PAK3: variants seen among roughly 807,000 people sequenced by gnomAD.
The protein encoded by PAK3 is serine/threonine-protein kinase PAK 3.
Under a neutral mutation model 41.0 loss-of-function variants are expected in PAK3, and 4 were observed. That is an observed-to-expected ratio of 0.10 (90% confidence interval 0.05 to 0.22). The LOEUF is 0.22. PAK3 is among the 10% of genes least tolerant of loss of function. PAK3 has a pLI of 1.00. For synonymous variants in PAK3, 146 were observed against 139.6 expected (o/e 1.05, Z -0.32); for missense variants, 205 against 409.9 (o/e 0.50, Z 4.32).
chrX:111,209,268 A>G (rs2094792345), intron 16 of PAK3, among the ~76,000 whole-genome samples: 1 of 111,727 alleles, frequency 9.0e-6, no homozygotes, highest in African/African-American at 3.3e-5. Flanking sequence ...TTCAAATACT[A>G]GTTGTGTGAC....
chrX:111,157,351 T>C (rs2094119494), intron 8 of PAK3, among the ~76,000 whole-genome samples: 1 of 111,659 alleles, frequency 9.0e-6, no homozygotes, highest in South Asian at 3.8e-4. Flanking sequence ...TGGTGTATTC[T>C]CTAGAGCAAC....
intron 1 of PAK3, among the ~76,000 whole-genome samples, chrX:110,962,875 G>A (rs997113258): frequency 6.2e-5 from 7 of 112,060 alleles, no homozygotes; most frequent in African/African-American, 2.0e-4. Flanking sequence ...GAATGTGAAA[G>A]CTTCATAGGC....
chrX:111,048,091 C>A (rs755702808), intron 1 of PAK3, among the ~76,000 whole-genome samples: 1 of 111,364 alleles, frequency 9.0e-6, no homozygotes, highest in South Asian at 3.9e-4. Flanking sequence ...TCAATATCCT[C>A]ATATTTTTGT....
chrX:111,037,490 G>A (rs904631494), intron 1 of PAK3, among the ~76,000 whole-genome samples: 1 of 111,341 alleles, frequency 9.0e-6, no homozygotes, highest in African/African-American at 3.3e-5. Context: ...TCAAAGAAAA[G>A]CAAGTGTTTC....
At chrX:111,202,085 G>A (rs1006862776) in intron 16 of PAK3, among the ~76,000 whole-genome samples, 3 of 110,358 alleles carry the variant, frequency 2.7e-5, no homozygotes, top group Non-Finnish European at 5.7e-5. Flanking sequence ...GTGAAGTCTG[G>A]GGCTATACAT....
At position 111,029,221 on chromosome X, in the gene PAK3, CA is replaced by C. The variant is rs764965527; in HGVS notation, c.-28+84595del. 5.4e-5 allele frequency among the ~76,000 whole-genome samples: 6 copies of C among 111,946 alleles called. No individual in the cohort carries two copies. The South Asian group carries it at 2.3e-3, about 43-fold the overall frequency. ...CAATCAACAAAGAGAAGCCTATAGGCAATGATAAAACTCTACAACATCATAC... is the reference window on the plus strand; with the variant it reads ...CAATCAACAAAGAGAAGCCTATAGGCATGATAAAACTCTACAACATCATAC... On this transcript the variant is annotated intron_variant, in intron 1 of 14. Transcript: ENST00000425146.
intron 15 of PAK3, 90 bp from the exon 16 acceptor site, chrX:111,196,354 A>G (rs2094612994): frequency 1.4e-6 from 1 of 709,709 alleles, no homozygotes; most frequent in East Asian, 3.2e-5. Context: ...CTCAGTGTGT[A>G]GCAAAGGAAG....
intron 8 of PAK3, chrX:111,152,754 G>T (rs1439775890): frequency 1.2e-4 from 21 of 175,423 alleles, no homozygotes; most frequent in Non-Finnish European, 1.8e-4. Flanking sequence ...AACTAATATG[G>T]AATCTGCCTT....
intron 1 of PAK3, among the ~76,000 whole-genome samples, chrX:111,065,639 G>A (rs2092696875): frequency 9.0e-6 from 1 of 111,712 alleles, no homozygotes; most frequent in African/African-American, 3.2e-5. Flanking sequence ...ATTAGTATCA[G>A]CTCTTCTTTG....
At chrX:111,144,509 T>C (rs1603298727) in intron 6 of PAK3, among the ~76,000 whole-genome samples, 1 of 111,531 alleles carries the variant, frequency 9.0e-6, no homozygotes, top group Non-Finnish European at 1.9e-5. Flanking sequence ...GTCTTTTTAT[T>C]GGTAGGATTT....
In PAK3 at chrX:111,216,449, C is replaced by A; in HGVS notation, c.1436C>A (p.Thr479Asn). Residue 479 changes from threonine (T) to asparagine (N), a missense_variant, in exon 17 of 18, where the codon ACT becomes AAT. Physicochemically the swap from Thr to Asn is moderately conservative, Grantham distance 65. Around this residue, in one of 5 missense-constraint regions of PAK3, gnomAD observed 40 missense variants for 54.4 expected, o/e 0.74. Transcript: ENST00000372007. ...RALYLIATNG[T>N]PELQNPERLS... ...TTGTATCTGATAGCCACTAATGGAA[C>A]TCCAGAGCTCCAGAATCCTGAGAGA... 8.5e-7 allele frequency: 1 copy of A among 1,182,672 alleles called. No homozygotes were observed. The highest frequency in any genetic ancestry group is 1.2e-6 in the Non-Finnish European group (1 of 869,010).
Position 111,123,159 on chromosome X carries a change from A to G in PAK3, c.56A>G (p.Asn19Ser), listed in dbSNP as rs1164331815. 1 of 1,204,448 alleles carries G rather than the reference A, an allele frequency of 8.3e-7. No homozygotes were observed. Among genetic ancestry groups the G allele is most frequent in the Non-Finnish European group, 1.1e-6 (1 of 888,816 alleles). ...EKPPAPPLRM[N>S]SNNRDSSALN... ...CCCCCGGCTCCTCCACTGAGGATGAATAGTAACAACCGGGATTCTTCAGCA... is the reference window on the plus strand; with the variant it reads ...CCCCCGGCTCCTCCACTGAGGATGAGTAGTAACAACCGGGATTCTTCAGCA... The change falls in exon 5 of 18, where the codon AAT (asparagine) becomes AGT (serine). Residue 19 changes from asparagine to serine, a missense_variant. Around this residue, in one of 5 missense-constraint regions of PAK3, gnomAD observed 26 missense variants for 27.4 expected, o/e 0.95. Transcript: ENST00000372007.
At chrX:111,152,331 A>G (rs1603306218) in intron 7 of PAK3, 79 bp from the exon 8 acceptor site, 1 of 681,071 alleles carries the variant, frequency 1.5e-6, no homozygotes, top group East Asian at 3.3e-5. Flanking sequence ...CAGTTTTTTA[A>G]TTTTTATTTT....
intron 11 of PAK3, among the ~76,000 whole-genome samples, chrX:111,179,917 C>T (rs763117182): frequency 2.7e-5 from 3 of 110,949 alleles, no homozygotes; most frequent in Non-Finnish European, 5.7e-5. Flanking sequence ...TGTCACCATG[C>T]CCGGCTAATT....
At chrX:111,039,553 T>A (rs1461984790) in intron 1 of PAK3, among the ~76,000 whole-genome samples, 1 of 111,689 alleles carries the variant, frequency 9.0e-6, no homozygotes, top group East Asian at 2.8e-4. Context: ...TGCCTCCAGG[T>A]GAGGTTTCTC....
At chrX:111,172,160 G>A (rs748808077) in intron 10 of PAK3, among the ~76,000 whole-genome samples, 4 of 111,395 alleles carry the variant, frequency 3.6e-5, no homozygotes, top group Admixed American at 1.9e-4. Context: ...GTTTTTTAGC[G>A]ATTATACCAA....
chrX:111,218,095 A>G (rs2094897631), intron 17 of PAK3, among the ~76,000 whole-genome samples: 1 of 112,275 alleles, frequency 8.9e-6, no homozygotes, highest in South Asian at 3.7e-4. Context: ...ATGCAACTCC[A>G]TTCTCTGACT....
intron 1 of PAK3, among the ~76,000 whole-genome samples, chrX:111,030,152 G>T (rs2092323331): frequency 9.0e-6 from 1 of 111,428 alleles, no homozygotes; most frequent in South Asian, 3.7e-4. Flanking sequence ...ATTTTTATGG[G>T]AGTAAATGAT....
At chrX:111,166,325 A>T (rs1393887353) in intron 10 of PAK3, among the ~76,000 whole-genome samples, 1 of 111,424 alleles carries the variant, frequency 9.0e-6, no homozygotes, top group Non-Finnish European at 1.9e-5. Flanking sequence ...TTTGTGAGAG[A>T]TAACGTCTGG....
Sources: allele counts gnomAD v4.1 joint callset (sites outside exome capture counted in the v4.1 genomes callset), GRCh38; gene constraint gnomAD v4.1.1; regional missense constraint gnomAD v4.1.1; transcripts MANE v1.5; gene names NCBI Gene and HGNC (gene_info 2026-07-23, HGNC 2026-07-21).